Variants in BCL2L13 observed in about 807,000 individuals in gnomAD.
The protein encoded by BCL2L13 is BCL2 like 13, also known as bcl-2-like protein 13.
Under a neutral mutation model 25.8 loss-of-function variants are expected in BCL2L13, and 13 were observed. That is an observed-to-expected ratio of 0.50 (90% CI 0.33 to 0.80). The LOEUF (loss-of-function observed/expected upper bound fraction) is 0.80, where lower values mean the gene tolerates loss of function less well. Among genes scored for constraint, BCL2L13 ranks in the 30% least tolerant of loss-of-function variants. BCL2L13 has a pLI of 0.02. For synonymous variants in BCL2L13, 244 were observed against 230.3 expected, an observed-to-expected ratio of 1.06 and a Z score of -0.54; for missense variants, 504 against 574.9, an observed-to-expected ratio of 0.88 and a Z score of 1.26.
At chr22:17,714,521 T>G (rs750064735) in intron 6 of BCL2L13, among the ~76,000 whole-genome samples, 3 of 152,094 alleles carry the variant, frequency 2.0e-5, no homozygotes, top group Non-Finnish European at 4.4e-5. Flanking sequence ...AGAAGTATGG[T>G]CACATTTTGA....
In BCL2L13 at chr22:17,649,877, T is replaced by C. The variant is rs868627069; in HGVS notation, c.-50-5785T>C. ...CCCCTCTTTTTTTTCTTTTCTTTTT[T>C]TTTTTTTTTTTTGAGATGGAGCTTT... On this transcript the variant is annotated intron_variant, in intron 1 of 6. Transcript: ENST00000317582. Among the ~76,000 whole-genome samples, 275 of 146,952 alleles carry C rather than the reference T, an allele frequency of 1.9e-3. 1 individual carries two copies. The highest frequency in any genetic ancestry group is 6.2e-3 in the African/African-American group (247 of 40,122).
chr22:17,691,767 G>A (rs57322842), intron 4 of BCL2L13, among the ~76,000 whole-genome samples: 1 of 152,074 alleles, frequency 6.6e-6, no homozygotes, highest in Non-Finnish European at 1.5e-5. Context: ...TGTAGTATAA[G>A]CTCTTCAAAA....
intron 6 of BCL2L13, among the ~76,000 whole-genome samples, chr22:17,725,919 T>C (rs1173846171): frequency 1.3e-5 from 2 of 150,552 alleles, no homozygotes; most frequent in Non-Finnish European, 3.0e-5. Flanking sequence ...TTTACAAATA[T>C]ACAATATTTA....
At chr22:17,687,296 G>T (rs1479281972) in intron 3 of BCL2L13, among the ~76,000 whole-genome samples, 1 of 151,990 alleles carries the variant, frequency 6.6e-6, no homozygotes, top group Non-Finnish European at 1.5e-5. Context: ...AACAAGTTAT[G>T]ACTGCTTTTT....
chr22:17,632,201 TTAATA>T (rs1235378134), intron 1 of BCL2L13, among the ~76,000 whole-genome samples: 10 of 152,128 alleles, frequency 6.6e-5, no homozygotes, highest in African/African-American at 2.4e-4. Flanking sequence ...TTGCCATTTA[TTAATA>T]TATTTATTAA....
chr22:17,701,742 A>C (rs1271208076), intron 5 of BCL2L13, among the ~76,000 whole-genome samples: 1 of 152,122 alleles, frequency 6.6e-6, no homozygotes, highest in Admixed American at 6.5e-5. Flanking sequence ...CCTGGCCAAC[A>C]TGGTGAAACC....
At chr22:17,649,732 A>G (rs1485023787) in intron 1 of BCL2L13, among the ~76,000 whole-genome samples, 1 of 151,426 alleles carries the variant, frequency 6.6e-6, no homozygotes, top group Non-Finnish European at 1.5e-5. Context: ...TAAACTCCTG[A>G]CCTTAGGTGA....
At chr22:17,666,995 T>C in intron 2 of BCL2L13, among the ~76,000 whole-genome samples, 1 of 152,090 alleles carries the variant, frequency 6.6e-6, no homozygotes, top group Non-Finnish European at 1.5e-5. Flanking sequence ...TGAATAGTAC[T>C]CCGTTGTCTA....
chr22:17,635,661 A>AG (rs1356606703), upstream of BCL2L13, among the ~76,000 whole-genome samples: 4 of 152,098 alleles, frequency 2.6e-5, no homozygotes, highest in Non-Finnish European at 5.9e-5. Context: ...GAATTGCTTG[A>AG]GGCTAGGAGT....
chr22:17,637,530 A>G (rs1385793163), upstream of BCL2L13, among the ~76,000 whole-genome samples: 1 of 151,542 alleles, frequency 6.6e-6, no homozygotes, highest in Non-Finnish European at 1.5e-5. Flanking sequence ...GCGTGACACC[A>G]TACCTGGCTA....
At position 17,702,403 on chromosome 22, in the gene BCL2L13, A is replaced by G. The variant is rs1398770899; in HGVS notation, c.600+17A>G. The G allele has an allele frequency of 1.8e-5, 28 of 1,518,246 alleles. No individual in the cohort carries two copies. Among genetic ancestry groups the G allele is most frequent in the Non-Finnish European group, 2.5e-5 (28 of 1,137,548 alleles). 94.0% of individuals were successfully genotyped at this position (1,518,246 alleles called of 1,614,324 possible). A position where few individuals can be genotyped will look rare whatever the true frequency, so the allele number is the denominator to read the frequency against. On this transcript the variant is annotated intron_variant, in intron 6 of 6. Transcript: ENST00000317582. ...GGTGGCTGGGTATGAGCTGTTATATATTAAAAATATTTTCTTGAAAAAAAA... is the reference window on the plus strand; with the variant it reads ...GGTGGCTGGGTATGAGCTGTTATATGTTAAAAATATTTTCTTGAAAAAAAA...
chr22:17,651,233 C>T (rs941207901), intron 1 of BCL2L13, among the ~76,000 whole-genome samples: 2 of 151,700 alleles, frequency 1.3e-5, no homozygotes, highest in African/African-American at 2.4e-5. Context: ...CTCCTGACCT[C>T]GTGATCTACC....
chr22:17,680,813 A>G (rs761250346), intron 2 of BCL2L13, among the ~76,000 whole-genome samples: 17 of 152,112 alleles, frequency 1.1e-4, no homozygotes, highest in South Asian at 2.1e-4. Context: ...AGGATTGGTC[A>G]TTGTCCTTGA....
Position 17,680,511 on chromosome 22 carries a change from CAAAAAAA to C in BCL2L13, c.122-2679_122-2673del, listed in dbSNP as rs770410371. ...CCTGGGAGAGAGCGAGACTCTGTCT[CAAAAAAA>C]AAAAAAAAAAAAAAAAAAAAAAAGA... On this transcript the variant is annotated intron_variant, in intron 2 of 6. Transcript: ENST00000317582. Among the ~76,000 whole-genome samples the C allele has an allele frequency of 1.5e-3, 20 of 13,364 alleles. No individual in the cohort carries two copies. In the South Asian group the frequency reaches 0.023, roughly 16 times the overall value. 8.8% of individuals were successfully genotyped at this position (13,364 alleles called of 152,430 possible).
chr22:17,706,396 C>T (rs1288383187), intron 6 of BCL2L13, among the ~76,000 whole-genome samples: 4 of 150,044 alleles, frequency 2.7e-5, no homozygotes, highest in Non-Finnish European at 5.9e-5. Context: ...GATTAGAAAT[C>T]ACAAGATTTG....
Position 17,730,702 on chromosome 22 carries a change from C to G in BCL2L13, c.*3168C>G, listed in dbSNP as rs1049373518. On this transcript the variant is annotated 3_prime_UTR_variant, in exon 7 of 7. Transcript: ENST00000317582. ...AATTTGAGGTGGTGATCATACCCAT[C>G]AAGACGGCCTTGTAGGCTATCTGAT... The G allele has an allele frequency of 6.6e-6, 1 of 152,156 alleles. No individual in the cohort carries two copies. The highest frequency in any genetic ancestry group is 2.4e-5 in the African/African-American group (1 of 41,420). 9.4% of individuals were successfully genotyped at this position (152,156 alleles called of 1,614,324 possible).
chr22:17,696,558 G>A (rs928763798), intron 5 of BCL2L13, among the ~76,000 whole-genome samples: 1 of 152,082 alleles, frequency 6.6e-6, no homozygotes, highest in Non-Finnish European at 1.5e-5. Flanking sequence ...TACTTGGGAG[G>A]TAGCCTCTTC....
intron 1 of BCL2L13, 110 bp downstream of exon 1, chr22:17,638,996 G>A (rs1345400311): frequency 2.2e-6 from 2 of 889,238 alleles, no homozygotes; most frequent in Non-Finnish European, 3.0e-6. Flanking sequence ...CAGTGGTTCC[G>A]ACGACGCGTG....
chr22:17,707,911 A>G (rs1212556637), intron 6 of BCL2L13, among the ~76,000 whole-genome samples: 1 of 152,176 alleles, frequency 6.6e-6, no homozygotes, highest in East Asian at 1.9e-4. Context: ...TGAAACAAAA[A>G]AATACAATCA....
Sources: allele counts gnomAD v4.1 joint callset (sites outside exome capture counted in the v4.1 genomes callset), GRCh38; gene constraint gnomAD v4.1.1; transcripts MANE v1.5; gene names NCBI Gene and HGNC (gene_info 2026-07-23, HGNC 2026-07-21).